BICD1: variants seen among roughly 807,000 people sequenced by gnomAD.
The protein encoded by BICD1 is BICD cargo adaptor 1.
In BICD1, 35 loss-of-function variants were observed where a neutral mutation model predicts 92.5. That is an observed-to-expected ratio of 0.38 (90% CI 0.29 to 0.50). BICD1 has a LOEUF of 0.50. BICD1 is among the 20% of genes least tolerant of loss of function. The pLI, the probability that BICD1 is intolerant of heterozygous loss-of-function variation, is 0.93. For synonymous variants in BICD1, 429 were observed against 465.1 expected (o/e 0.92, Z 1.00); for missense variants, 950 against 1,189.8 (o/e 0.80, Z 2.97).
At position 32,186,883 on chromosome 12, in the gene BICD1, CA is replaced by C. The variant is rs1944435863; in HGVS notation, c.214-29360del. On this transcript the variant is annotated intron_variant, in intron 1 of 9. Transcript: ENST00000652176. Reference sequence around the variant, plus strand: ...ATAAAATACTTTATTTCTTGAGGTCCAAAAGACTTCAAAATAGGGGCTGAGT... The same window carrying C: ...ATAAAATACTTTATTTCTTGAGGTCCAAAGACTTCAAAATAGGGGCTGAGT... Among the ~76,000 whole-genome samples the C allele has an allele frequency of 2.0e-5, 3 of 152,110 alleles. No homozygotes were observed. The South Asian group carries it at 6.2e-4, about 32-fold the overall frequency.
chr12:32,250,405 G>T (rs1307849271), intron 2 of BICD1, among the ~76,000 whole-genome samples: 1 of 152,128 alleles, frequency 6.6e-6, no homozygotes. Context: ...ATTAAACATT[G>T]TATATTTTTA....
chr12:32,350,357 C>T (rs1938813492), intron 8 of BICD1, among the ~76,000 whole-genome samples: 1 of 151,896 alleles, frequency 6.6e-6, no homozygotes. Flanking sequence ...ATGGTGTGTG[C>T]CTGTAGTTTC....
chr12:32,348,724 ATATATATATAT>A (rs1938734465), intron 8 of BICD1, among the ~76,000 whole-genome samples: 2 of 5,386 alleles, frequency 3.7e-4, no homozygotes, highest in South Asian at 0.01. Flanking sequence ...TCACACAAAA[ATATATATATAT>A]ATATATATAT....
At chr12:32,165,630 A>G (rs1450092746) in intron 1 of BICD1, among the ~76,000 whole-genome samples, 1 of 150,154 alleles carries the variant, frequency 6.7e-6, no homozygotes, top group African/African-American at 2.5e-5. Context: ...GATTGCAGTG[A>G]GCTGAGATGC....
chr12:32,343,768 T>C (rs1938469749), intron 8 of BICD1, among the ~76,000 whole-genome samples: 1 of 152,250 alleles, frequency 6.6e-6, no homozygotes, highest in South Asian at 2.1e-4. Flanking sequence ...ATTTTGCTTT[T>C]TACTGATCTT....
chr12:32,332,359 G>T, intron 5 of BICD1: 1 of 783,586 alleles, frequency 1.3e-6, no homozygotes, highest in Non-Finnish European at 1.5e-6. Flanking sequence ...TGCACATCCT[G>T]CAGCTGTACC....
intron 8 of BICD1, among the ~76,000 whole-genome samples, chr12:32,362,543 T>C (rs1233130118): frequency 1.3e-5 from 2 of 152,218 alleles, no homozygotes; most frequent in Admixed American, 6.5e-5. Context: ...TTTTGCTTTG[T>C]ATTTTTGAGA....
intron 1 of BICD1, among the ~76,000 whole-genome samples, chr12:32,140,799 GTGTGTAGTTTTGGCA>G (rs1942895686): frequency 1.3e-5 from 1 of 77,722 alleles, no homozygotes; most frequent in South Asian, 5.0e-4. Context: ...CATACTTCGT[GTGTGTAGTTTTGGCA>G]TTTAAGGAAA....
intron 2 of BICD1, among the ~76,000 whole-genome samples, chr12:32,241,652 T>C (rs1279917496): frequency 6.6e-6 from 1 of 152,148 alleles, no homozygotes; most frequent in Non-Finnish European, 1.5e-5. Flanking sequence ...TGAAATTGAG[T>C]AGAGGTCAGA....
In BICD1 at chr12:32,371,653, T is replaced by C. The variant is rs11051963; in HGVS notation, c.2840+3908T>C. Among the ~76,000 whole-genome samples, 5 of 152,324 alleles carry C rather than the reference T, an allele frequency of 3.3e-5. No homozygotes were observed. In the East Asian group the frequency reaches 9.6e-4, roughly 29 times the overall value. ...CCCAGGCTGGAGTGCAGTGGCGTGA[T>C]CTTGGCTCACTGGCACCTCCACCTC... On this transcript the variant is annotated intron_variant, in intron 9 of 9. Coordinates refer to ENST00000652176, the MANE Select transcript of BICD1 (RefSeq NM_001714.4).
intron 1 of BICD1, among the ~76,000 whole-genome samples, chr12:32,146,156 A>G (rs1474984829): frequency 3.3e-5 from 5 of 152,234 alleles, no homozygotes; most frequent in African/African-American, 1.2e-4. Context: ...ACCAGCGTTA[A>G]GTTGACAGTT....
intron 1 of BICD1, among the ~76,000 whole-genome samples, chr12:32,140,381 G>C (rs758556470): frequency 6.6e-6 from 1 of 152,190 alleles, no homozygotes; most frequent in Non-Finnish European, 1.5e-5. Flanking sequence ...TCTGGCAAAG[G>C]TGGATTTTTT....
At position 32,382,208 on chromosome 12, in the gene BICD1, A is replaced by G. The variant is rs1189888975; in HGVS notation, c.*4581A>G. 6.6e-6 allele frequency: 1 copy of G among 152,102 alleles called. No homozygotes were observed. The highest frequency in any genetic ancestry group is 2.4e-5 in the African/African-American group (1 of 41,452). 9.4% of individuals were successfully genotyped at this position (152,102 alleles called of 1,614,324 possible). On this transcript the variant is annotated 3_prime_UTR_variant, in exon 10 of 10. Coordinates refer to ENST00000652176, the MANE Select transcript of BICD1 (RefSeq NM_001714.4). Reference sequence around the variant, plus strand: ...ATTATGTTTACAGCTGAAAGATTTCATCTAGACATGTCTTTCGTCCTTATT... The same window carrying G: ...ATTATGTTTACAGCTGAAAGATTTCGTCTAGACATGTCTTTCGTCCTTATT...
chr12:32,149,317 G>T (rs1173126875), intron 1 of BICD1, among the ~76,000 whole-genome samples: 1 of 152,150 alleles, frequency 6.6e-6, no homozygotes, highest in Non-Finnish European at 1.5e-5. Context: ...CATTAATTTT[G>T]CTGTATGTTC....
intron 1 of BICD1, among the ~76,000 whole-genome samples, chr12:32,175,330 C>G (rs1163390811): frequency 6.6e-6 from 1 of 151,296 alleles, no homozygotes; most frequent in Non-Finnish European, 1.5e-5. Context: ...TTTTCTTTTT[C>G]TTCTGAAATG....
Position 32,382,799 on chromosome 12 carries a change from A to G in BICD1, c.*5172A>G, listed in dbSNP as rs1435049789. 3.9e-5 allele frequency: 6 copies of G among 152,024 alleles called. No homozygotes were observed. The highest frequency in any genetic ancestry group is 8.8e-5 in the Non-Finnish European group (6 of 67,912). The allele number at this position is 152,024 out of a possible 1,614,324, so 9.4% of individuals were successfully genotyped here. On this transcript the variant is annotated 3_prime_UTR_variant, in exon 10 of 10. Transcript: ENST00000652176. The stretch of plus-strand genomic sequence containing the variant: ...TTTAAAAAGTCATTTTAAAACAAAG[A>G]TGAGAGAACTATAAAGTAAGGGGAA...
At chr12:32,212,569 CA>C (rs1333528310) in intron 1 of BICD1, among the ~76,000 whole-genome samples, 1 of 152,170 alleles carries the variant, frequency 6.6e-6, no homozygotes, top group Non-Finnish European at 1.5e-5. Flanking sequence ...GGATTACAGG[CA>C]TGCACAAGCA....
chr12:32,291,718 G>C (rs988830288), intron 2 of BICD1, among the ~76,000 whole-genome samples: 2 of 151,736 alleles, frequency 1.3e-5, no homozygotes, highest in Non-Finnish European at 2.9e-5. Context: ...TACACCTGTA[G>C]TCCCAGCTAC....
intron 1 of BICD1, among the ~76,000 whole-genome samples, chr12:32,198,591 T>C (rs530746569): frequency 2.4e-4 from 36 of 149,018 alleles, no homozygotes; most frequent in African/African-American, 8.9e-4. Flanking sequence ...CTTCCAAGCC[T>C]ACCTATTTTA....
Sources: allele counts gnomAD v4.1 joint callset (sites outside exome capture counted in the v4.1 genomes callset), GRCh38; gene constraint gnomAD v4.1.1; transcripts MANE v1.5; gene names NCBI Gene and HGNC (gene_info 2026-07-23, HGNC 2026-07-21).